The following IL7 variants were observed in gnomAD, a reference collection of about 807,000 sequenced individuals.
The protein encoded by IL7 is interleukin 7.
Under a neutral mutation model 21.6 loss-of-function variants are expected in IL7, and 3 were observed. That is an observed-to-expected ratio of 0.14 (90% CI 0.06 to 0.36). The LOEUF (loss-of-function observed/expected upper bound fraction) is 0.36. Ranked by LOEUF, IL7 falls within the 10% of genes least tolerant of loss-of-function variation. IL7 has a pLI of 1.00. For missense variants in IL7, 175 were observed against 200.2 expected (o/e 0.87, Z 0.76); for synonymous variants, 62 against 68.1 (o/e 0.91, Z 0.44).
chr8:78,736,363 A>C, intron 5 of IL7, 111 bp downstream of exon 5: 2 of 616,764 alleles, frequency 3.2e-6, no homozygotes, highest in Non-Finnish European at 5.4e-6. Flanking sequence ...ATGTTATAAT[A>C]AATTATTTCA....
rs187992062 is a variant in IL7, at chr8:78,789,685, C to T, written c.147+8387G>A. The stretch of plus-strand genomic sequence containing the variant: ...GCCCACTGACAGCTGCAGAAGTGGT[C>T]CCGGTGAGATCTGACAACTACTTGA... On this transcript the variant is annotated intron_variant, in intron 2 of 5. Coordinates refer to ENST00000263851, the MANE Select transcript of IL7 (RefSeq NM_000880.4). Among the ~76,000 whole-genome samples the T allele has an allele frequency of 4.6e-5, 7 of 152,090 alleles. No individual in the cohort carries two copies. In the East Asian group the frequency reaches 1.4e-3, roughly 29 times the overall value.
downstream of IL7, among the ~76,000 whole-genome samples, chr8:78,728,729 T>G (rs1438597307): frequency 6.6e-6 from 1 of 151,970 alleles, no homozygotes; most frequent in African/African-American, 2.4e-5. Context: ...TGACTGTCAG[T>G]ACTTGGGGGG....
intron 4 of IL7, among the ~76,000 whole-genome samples, chr8:78,680,654 T>A (rs1257176758): frequency 1.3e-5 from 2 of 152,188 alleles, no homozygotes; most frequent in African/African-American, 2.4e-5. Context: ...GTAGGCATAA[T>A]TCATAGATTA....
At chr8:78,760,582 G>T in intron 2 of IL7, 1 of 1,555,880 alleles carries the variant, frequency 6.4e-7, no homozygotes, top group Admixed American at 1.9e-5. Context: ...TATTGAATTT[G>T]AGTTGTCCCA....
intron 2 of IL7, among the ~76,000 whole-genome samples, chr8:78,780,581 C>T (rs1003306225): frequency 2.6e-5 from 4 of 152,134 alleles, no homozygotes; most frequent in African/African-American, 7.2e-5. Context: ...TTTGATTGCA[C>T]TGTGGTCTAA....
intron 5 of IL7, among the ~76,000 whole-genome samples, chr8:78,734,325 G>A (rs1305460323): frequency 1.3e-5 from 2 of 152,080 alleles, no homozygotes. Flanking sequence ...TCATAAGCTA[G>A]GTTTTAGCAC....
At chr8:78,773,862 AAGGC>A (rs1813044821) in intron 2 of IL7, among the ~76,000 whole-genome samples, 1 of 152,130 alleles carries the variant, frequency 6.6e-6, no homozygotes, top group South Asian at 2.1e-4. Flanking sequence ...AGGAGGAACA[AAGGC>A]AGAAAAATCA....
intron 5 of IL7, among the ~76,000 whole-genome samples, chr8:78,735,959 ATAT>A (rs1811578631): frequency 6.6e-6 from 1 of 151,468 alleles, no homozygotes; most frequent in South Asian, 2.1e-4. Context: ...AATATTTTCC[ATAT>A]TATTGTATAA....
At chr8:78,724,915 A>G (rs1451217710) in intron 3 of IL7, among the ~76,000 whole-genome samples, 1 of 152,040 alleles carries the variant, frequency 6.6e-6, no homozygotes, top group East Asian at 1.9e-4. Context: ...TTAAGTAGAA[A>G]ACATTGGACA....
At chr8:78,801,005 T>C (rs1460179614) in intron 1 of IL7, among the ~76,000 whole-genome samples, 1 of 152,206 alleles carries the variant, frequency 6.6e-6, no homozygotes, top group African/African-American at 2.4e-5. Flanking sequence ...AACCTATTTA[T>C]TCACCGGATG....
intron 3 of IL7, among the ~76,000 whole-genome samples, chr8:78,710,398 T>C (rs879813365): frequency 2.0e-5 from 3 of 152,244 alleles, no homozygotes; most frequent in Admixed American, 1.3e-4. Flanking sequence ...CTGAAAATAT[T>C]GGCAATCTTT....
intron 2 of IL7, among the ~76,000 whole-genome samples, chr8:78,767,405 G>C (rs573344405): frequency 2.4e-4 from 37 of 151,674 alleles, no homozygotes; most frequent in African/African-American, 8.7e-4. Flanking sequence ...TATAATTTTG[G>C]TATTTAAGTG....
intron 2 of IL7, among the ~76,000 whole-genome samples, chr8:78,764,981 A>AC (rs1215715797): frequency 6.6e-6 from 1 of 152,140 alleles, no homozygotes; most frequent in African/African-American, 2.4e-5. Context: ...GAAAAAACAG[A>AC]CAAATAGATC....
At chr8:78,754,058 C>A (rs1812266152) in intron 2 of IL7, among the ~76,000 whole-genome samples, 1 of 152,034 alleles carries the variant, frequency 6.6e-6, no homozygotes, top group Non-Finnish European at 1.5e-5. Context: ...GGCAATCAGG[C>A]AAGAGAAAGA....
At chr8:78,751,356 G>A (rs1812165363) in intron 2 of IL7, among the ~76,000 whole-genome samples, 1 of 152,166 alleles carries the variant, frequency 6.6e-6, no homozygotes, top group Admixed American at 6.5e-5. Context: ...TATTCAAAAT[G>A]TTAAGAGTAA....
chr8:78,756,262 G>A (rs1418560671), intron 2 of IL7, among the ~76,000 whole-genome samples: 1 of 151,714 alleles, frequency 6.6e-6, no homozygotes, highest in Non-Finnish European at 1.5e-5. Flanking sequence ...TTGCATATTG[G>A]CTTGTAGTTT....
At chr8:78,729,080 T>A (rs926276260), downstream of IL7, among the ~76,000 whole-genome samples, 1 of 152,008 alleles carries the variant, frequency 6.6e-6, no homozygotes, top group African/African-American at 2.4e-5. Context: ...ATTAAATTTA[T>A]TAAATGTGTA....
intron 2 of IL7, among the ~76,000 whole-genome samples, chr8:78,778,621 A>G (rs1813211090): frequency 6.6e-6 from 1 of 152,072 alleles, no homozygotes; most frequent in African/African-American, 2.4e-5. Flanking sequence ...TTGTATGAGT[A>G]CTGTGCTATT....
chr8:78,697,028 T>C (rs959021400), intron 3 of IL7, among the ~76,000 whole-genome samples: 2 of 152,198 alleles, frequency 1.3e-5, no homozygotes, highest in African/African-American at 4.8e-5. Context: ...GTGGAGCATC[T>C]GAGAGGGAGT....
Sources: allele counts gnomAD v4.1 joint callset (sites outside exome capture counted in the v4.1 genomes callset), GRCh38; gene constraint gnomAD v4.1.1; transcripts MANE v1.5; gene names NCBI Gene and HGNC (gene_info 2026-07-23, HGNC 2026-07-21).